The following SLC71A2 variants were observed in gnomAD, a reference collection of about 807,000 sequenced individuals.
SLC71A2 encodes the protein hippocampus abundant transcript-like 1.
chr9:94,452,781 TGAGTA>T, the SLC71A2 span, among the ~76,000 whole-genome samples: 1 of 149,980 alleles, frequency 6.7e-6, no homozygotes, highest in Non-Finnish European at 1.5e-5. Context: ...TGATTTTCAG[TGAGTA>T]GAGAGCATTA....
At chr9:94,414,371 T>C in the SLC71A2 span, among the ~76,000 whole-genome samples, 4 of 152,274 alleles carry the variant, frequency 2.6e-5, no homozygotes, top group Admixed American at 6.5e-5. Flanking sequence ...TTGCACACTT[T>C]TCATCCTCTG....
At chr9:94,396,100 G>T in the SLC71A2 span, among the ~76,000 whole-genome samples, 1 of 151,814 alleles carries the variant, frequency 6.6e-6, no homozygotes, top group Admixed American at 6.6e-5. Flanking sequence ...TGAAGTACCT[G>T]CCTCTGCTCA....
chr9:94,393,649 A>G, the SLC71A2 span, among the ~76,000 whole-genome samples: 6,527 of 130,098 alleles, frequency 0.05, no homozygotes, highest in East Asian at 0.16. Flanking sequence ...TTTGTCATCT[A>G]TGAAATCGGG....
chr9:94,442,395 CCTCT>C, the SLC71A2 span, among the ~76,000 whole-genome samples: 8 of 151,934 alleles, frequency 5.3e-5, no homozygotes, highest in East Asian at 3.9e-4. Context: ...TTCTACCTTC[CCTCT>C]CTCTCTCTCC....
the SLC71A2 span, among the ~76,000 whole-genome samples, chr9:94,398,519 C>G: frequency 2.0e-5 from 3 of 152,148 alleles, no homozygotes; most frequent in Non-Finnish European, 4.4e-5. Flanking sequence ...TCTGGAGCCT[C>G]AGTACATTTA....
At chr9:94,456,132 G>T in the SLC71A2 span, 4 of 650,632 alleles carry the variant, frequency 6.1e-6, no homozygotes, top group South Asian at 2.4e-5. Flanking sequence ...TAAATAAAAT[G>T]TAACAGGAGA....
At chr9:94,454,171 C>T in the SLC71A2 span, 127 of 782,900 alleles carry the variant, frequency 1.6e-4, no homozygotes, top group East Asian at 1.2e-3. Context: ...GGTTATTTTG[C>T]TGGTTTGGTG....
the SLC71A2 span, among the ~76,000 whole-genome samples, chr9:94,379,310 T>C: frequency 6.7e-6 from 1 of 148,426 alleles, no homozygotes; most frequent in African/African-American, 2.5e-5. Context: ...GGTCTTGAAC[T>C]CCTGACCTCA....
chr9:94,417,672 A>G, the SLC71A2 span, among the ~76,000 whole-genome samples: 2 of 152,192 alleles, frequency 1.3e-5, no homozygotes, highest in East Asian at 1.9e-4. Context: ...TAGTTTGACT[A>G]TGCTATAATG....
chr9:94,406,332 C>T, the SLC71A2 span, among the ~76,000 whole-genome samples: 44 of 152,114 alleles, frequency 2.9e-4, no homozygotes, highest in Non-Finnish European at 3.1e-4. Flanking sequence ...CCCCGCCTCC[C>T]GGGTTCAAGC....
chr9:94,458,110 T>A, the SLC71A2 span, among the ~76,000 whole-genome samples: 1 of 152,234 alleles, frequency 6.6e-6, no homozygotes, highest in Admixed American at 6.5e-5. Context: ...GTATATGTTT[T>A]TATGATTTTA....
the SLC71A2 span, chr9:94,459,115 A>C: frequency 6.3e-7 from 1 of 1,579,652 alleles, no homozygotes; most frequent in Non-Finnish European, 8.6e-7. Flanking sequence ...TTGAGTTAAA[A>C]GACTAACTGT....
the SLC71A2 span, among the ~76,000 whole-genome samples, chr9:94,381,279 G>A: frequency 6.7e-6 from 1 of 149,658 alleles, no homozygotes; most frequent in Non-Finnish European, 1.5e-5. Flanking sequence ...CAGACCATCC[G>A]CCCGCCTCGG....
At chr9:94,444,231 A>T in the SLC71A2 span, among the ~76,000 whole-genome samples, 1 of 152,216 alleles carries the variant, frequency 6.6e-6, no homozygotes, top group African/African-American at 2.4e-5. Context: ...GACATTCCAC[A>T]TGCTTATAGG....
the SLC71A2 span, among the ~76,000 whole-genome samples, chr9:94,438,888 T>C: frequency 1.3e-5 from 2 of 152,346 alleles, no homozygotes; most frequent in East Asian, 3.9e-4. Flanking sequence ...TTTGTAAATA[T>C]ATTATTTTTG....
At chr9:94,382,596 CA>C in the SLC71A2 span, among the ~76,000 whole-genome samples, 1 of 151,832 alleles carries the variant, frequency 6.6e-6, no homozygotes, top group Non-Finnish European at 1.5e-5. Context: ...TTTTATAGAT[CA>C]GGGTTTTGGT....
At chr9:94,454,486 G>A in the SLC71A2 span, among the ~76,000 whole-genome samples, 9 of 151,374 alleles carry the variant, frequency 5.9e-5, no homozygotes, top group Admixed American at 5.9e-4. Context: ...TCCTGCCTCA[G>A]GCTCCTGAGT....
chr9:94,449,904 T>TA, the SLC71A2 span, among the ~76,000 whole-genome samples: 1 of 152,342 alleles, frequency 6.6e-6, no homozygotes, highest in East Asian at 1.9e-4. Context: ...GAAGTACAGA[T>TA]ACGTGCTACA....
chr9:94,404,347 A>G, the SLC71A2 span, among the ~76,000 whole-genome samples: 21,895 of 151,678 alleles, frequency 0.14, 1,818 homozygotes, highest in Middle Eastern at 0.29. Context: ...TTAGGCAGGA[A>G]TGCAGTGGTG....
Sources: allele counts gnomAD v4.1 joint callset (sites outside exome capture counted in the v4.1 genomes callset), GRCh38; gene constraint gnomAD v4.1.1; transcripts MANE v1.5; gene names NCBI Gene and HGNC (gene_info 2026-07-23, HGNC 2026-07-21).